The following MNS1 variants were observed in gnomAD, a reference collection of about 807,000 sequenced individuals.
MNS1 encodes meiosis specific nuclear structural 1, also known as meiosis-specific nuclear structural protein 1.
MNS1 carries 63 observed loss-of-function variants against 72.0 expected under a neutral mutation model. That is an observed-to-expected ratio of 0.87 (90% CI 0.71 to 1.08). MNS1 has a LOEUF of 1.08. MNS1 is among the 50% of genes least tolerant of loss of function. The pLI is 0.00. For missense variants in MNS1, 604 were observed against 562.4 expected, an observed-to-expected ratio of 1.07 and a Z score of -0.75; for synonymous variants, 188 against 172.1, an observed-to-expected ratio of 1.09 and a Z score of -0.72.
At chr15:56,444,145 T>C (rs1308689581) in intron 5 of MNS1, among the ~76,000 whole-genome samples, 1 of 152,066 alleles carries the variant, frequency 6.6e-6, no homozygotes, top group East Asian at 1.9e-4. Flanking sequence ...TTAAGCTGTC[T>C]ACCAAAAAAA....
In MNS1 at chr15:56,460,009, A is replaced by AAAAAAAAAATAT; in HGVS notation, c.226-3489_226-3488insATATTTTTTTTT. ...CTGTCTCAAAAAAAAAAAAAAAAAA[A>AAAAAAAAAATAT]ATACATATATATATATATATATATA... On this transcript the variant is annotated intron_variant, in intron 2 of 9. Coordinates refer to ENST00000260453, the MANE Select transcript of MNS1 (RefSeq NM_018365.4). Among the ~76,000 whole-genome samples the AAAAAAAAAATAT allele has an allele frequency of 5.4e-3, 143 of 26,352 alleles. 25 individuals are homozygous for AAAAAAAAAATAT. Among genetic ancestry groups the AAAAAAAAAATAT allele is most frequent in the African/African-American group, 0.015 (100 of 6,638 alleles). 17.3% of individuals were successfully genotyped at this position (26,352 alleles called of 152,430 possible). A position where few individuals can be genotyped will look rare whatever the true frequency, so the allele number is the denominator to read the frequency against.
At position 56,456,507 on chromosome 15, in the gene MNS1, CTT is replaced by C. The variant is rs768718548; in HGVS notation, c.238_239del (p.Lys80GlufsTer23). 1.8e-5 allele frequency: 29 copies of C among 1,609,526 alleles called. No homozygotes were observed. The highest frequency in any genetic ancestry group is 2.4e-5 in the Non-Finnish European group (28 of 1,178,868). ...EEAIQKAEEN[K>X]RLKELQLKQE... is the part of the protein sequence containing the mutation. ...GTTTGAGCTGGAGTTCTTTCAATCT[CTT>C]GTTTTCTTCTGCCTGAACGAAAAAT... On this transcript the variant is annotated frameshift_variant, in exon 3 of 10. Transcript: ENST00000260453. LOFTEE classifies it high-confidence loss of function.
At chr15:56,451,283 C>T (rs2050945328) in intron 3 of MNS1, among the ~76,000 whole-genome samples, 1 of 152,188 alleles carries the variant, frequency 6.6e-6, no homozygotes, top group South Asian at 2.1e-4. Flanking sequence ...TCCTCCTGAA[C>T]CAGGGACCAG....
intron 3 of MNS1, among the ~76,000 whole-genome samples, chr15:56,452,097 T>G (rs1409699783): frequency 2.0e-5 from 3 of 152,240 alleles, no homozygotes; most frequent in Non-Finnish European, 4.4e-5. Flanking sequence ...CTGTCCTATG[T>G]TCTCTCTTCT....
At chr15:56,454,413 C>T (rs2050968109) in intron 3 of MNS1, among the ~76,000 whole-genome samples, 1 of 152,070 alleles carries the variant, frequency 6.6e-6, no homozygotes, top group African/African-American at 2.4e-5. Context: ...TGACTATAGT[C>T]ACCCTGCTGT....
At position 56,465,049 on chromosome 15, in the gene MNS1, C is replaced by T. The variant is rs998977936; in HGVS notation, c.-77G>A. ...GCCGCAAACGCAGCAGCCAGCAGCC[C>T]CAAGGAGCGCACCTGGCTGCGCGCG... On this transcript the variant is annotated 5_prime_UTR_variant, in exon 1 of 10. Coordinates refer to ENST00000260453, the MANE Select transcript of MNS1 (RefSeq NM_018365.4). 2.5e-6 allele frequency: 4 copies of T among 1,575,390 alleles called. No individual in the cohort carries two copies. Among genetic ancestry groups the T allele is most frequent in the Non-Finnish European group, 3.4e-6 (4 of 1,163,404 alleles).
rs768807468 is a variant in MNS1, at chr15:56,465,104, G to T, written c.-132C>A. 3.2e-6 allele frequency: 4 copies of T among 1,244,392 alleles called. No individual in the cohort carries two copies. The highest frequency in any genetic ancestry group is 4.5e-6 in the Non-Finnish European group (4 of 887,740). 77.1% of individuals were successfully genotyped at this position (1,244,392 alleles called of 1,614,324 possible). On this transcript the variant is annotated 5_prime_UTR_variant, in exon 1 of 10. Coordinates refer to ENST00000260453, the MANE Select transcript of MNS1 (RefSeq NM_018365.4). ...GGTGTTTACGCGGCGTCTTGGCAAC[G>T]GTGGAGCTGCGCGCCCTCCGCTCGA...
intron 3 of MNS1, among the ~76,000 whole-genome samples, chr15:56,455,691 T>C (rs1356837791): frequency 6.6e-6 from 1 of 152,198 alleles, no homozygotes; most frequent in Admixed American, 6.5e-5. Context: ...TCTAGAATAG[T>C]GTCCTGTCAT....
At chr15:56,443,613 G>A in intron 6 of MNS1, 25 bp downstream of exon 6, 1 of 1,603,560 alleles carries the variant, frequency 6.2e-7, no homozygotes, top group Non-Finnish European at 8.5e-7. Flanking sequence ...TTTTACTAGT[G>A]TTAAAGAAGT....
chr15:56,440,176 A>T (rs1596259183), intron 7 of MNS1, among the ~76,000 whole-genome samples: 1 of 152,212 alleles, frequency 6.6e-6, no homozygotes, highest in African/African-American at 2.4e-5. Context: ...AAAGATGTTC[A>T]GCATCATTAG....
chr15:56,436,067 G>C (rs1292081372), intron 7 of MNS1, among the ~76,000 whole-genome samples: 16 of 151,966 alleles, frequency 1.1e-4, no homozygotes, highest in Admixed American at 3.3e-4. Context: ...TTTAACCAAG[G>C]ATATCCAGGA....
intron 4 of MNS1, chr15:56,445,945 C>T (rs1478635092): frequency 6.6e-6 from 1 of 152,046 alleles, no homozygotes; most frequent in Admixed American, 6.6e-5. Context: ...AATGAAGTCT[C>T]TCCACCTTTT....
Position 56,444,511 on chromosome 15 carries a change from C to T in MNS1, c.619G>A (p.Glu207Lys). ...EQEKKKQEAY[E>K]QLLKEKLMID... ...ATGAGTTTCTCTTTTAGCAGCTGCTCATAAGCTTCCTGCTTTTTTTTTTCT... is the reference window on the plus strand; with the variant it reads ...ATGAGTTTCTCTTTTAGCAGCTGCTTATAAGCTTCCTGCTTTTTTTTTTCT... The change falls in exon 5 of 10, where the codon GAG becomes AAG. Residue 207 changes from glutamate to lysine, a missense_variant. Transcript: ENST00000260453. 1.2e-6 allele frequency: 2 copies of T among 1,612,024 alleles called. No homozygotes were observed. The highest frequency in any genetic ancestry group is 1.7e-6 in the Non-Finnish European group (2 of 1,179,440).
intron 3 of MNS1, among the ~76,000 whole-genome samples, chr15:56,455,937 A>G (rs2050978981): frequency 6.6e-6 from 1 of 152,182 alleles, no homozygotes; most frequent in Non-Finnish European, 1.5e-5. Context: ...GAAGTCACAG[A>G]GAAATTAATT....
intron 7 of MNS1, 144 bp from the exon 8 acceptor site, chr15:56,434,539 G>C (rs1259364202): frequency 2.2e-5 from 19 of 879,978 alleles, no homozygotes; most frequent in Non-Finnish European, 3.0e-5. Context: ...TGATAACTTT[G>C]TCCATCCCTT....
In MNS1 at chr15:56,428,764, C is replaced by G. The variant is rs2050451922; in HGVS notation, c.*337G>C. 2 of 350,178 alleles carry G rather than the reference C, an allele frequency of 5.7e-6. No homozygotes were observed. The highest frequency in any genetic ancestry group is 6.0e-5 in the South Asian group (1 of 16,700). The allele number at this position is 350,178 out of a possible 1,614,324, so 21.7% of individuals were successfully genotyped here. ...CAAATATTTATTTCCCTGGCTAAAT[C>G]AAGTAAGTAAAGTTCGTAAACACAG... On this transcript the variant is annotated 3_prime_UTR_variant, in exon 10 of 10. Transcript: ENST00000260453.
chr15:56,464,117 T>A lies in MNS1; in HGVS notation c.134A>T (p.Asn45Ile), dbSNP rs755829059. The A allele has an allele frequency of 3.7e-6, 6 of 1,614,206 alleles. No individual in the cohort carries two copies. The highest frequency in any genetic ancestry group is 5.1e-6 in the Non-Finnish European group (6 of 1,180,034). Residue 45 changes from asparagine to isoleucine, a missense_variant, in exon 2 of 10, where the codon AAT becomes ATT. Coordinates refer to ENST00000260453, the MANE Select transcript of MNS1 (RefSeq NM_018365.4). ...NSQIRNQMVQ[N>I]ENDNRVQRKQ... ...GCGCTGAACACGGTTATCATTTTCA[T>A]TCTGCACCATTTGATTCCTGATTTG...
intron 6 of MNS1, 26 bp downstream of exon 6, chr15:56,443,612 T>C (rs373555872): frequency 2.4e-5 from 38 of 1,601,278 alleles, no homozygotes; most frequent in Admixed American, 3.4e-5. Context: ...ATTTTACTAG[T>C]GTTAAAGAAG....
chr15:56,462,733 A>G (rs2051031301), intron 2 of MNS1, among the ~76,000 whole-genome samples: 1 of 152,242 alleles, frequency 6.6e-6, no homozygotes, highest in African/African-American at 2.4e-5. Context: ...AAACAAACCA[A>G]CTGTAAAAGC....
Sources: allele counts gnomAD v4.1 joint callset (sites outside exome capture counted in the v4.1 genomes callset), GRCh38; gene constraint gnomAD v4.1.1; transcripts MANE v1.5; gene names NCBI Gene and HGNC (gene_info 2026-07-23, HGNC 2026-07-21).